Variants in LRMDA observed in about 807,000 individuals in gnomAD.
The protein encoded by LRMDA is leucine-rich melanocyte differentiation-associated protein.
In LRMDA, 18 loss-of-function variants were observed where a neutral mutation model predicts 29.8. The observed-to-expected ratio is 0.60, with a 90% confidence interval of 0.42 to 0.90. The LOEUF (loss-of-function observed/expected upper bound fraction) is 0.90, where lower values mean the gene tolerates loss of function less well. Ranked by LOEUF, LRMDA falls within the 40% of genes least tolerant of loss-of-function variation. LRMDA has a pLI of 0.00. For missense variants in LRMDA, 273 were observed against 273.9 expected, an observed-to-expected ratio of 1.00 and a Z score of 0.02; for synonymous variants, 125 against 109.4, an observed-to-expected ratio of 1.14 and a Z score of -0.89.
chr10:75,920,796 T>C (rs946685650), intron 2 of LRMDA, among the ~76,000 whole-genome samples: 4 of 152,192 alleles, frequency 2.6e-5, no homozygotes, highest in Admixed American at 6.5e-5. Context: ...CAATAAATGC[T>C]TATGACTTGC....
At chr10:75,840,254 T>C (rs935980057) in intron 2 of LRMDA, among the ~76,000 whole-genome samples, 3 of 109,440 alleles carry the variant, frequency 2.7e-5, no homozygotes, top group African/African-American at 7.5e-5. Flanking sequence ...CCTTGGACCC[T>C]TGACTACCAC....
At chr10:75,879,702 G>T (rs938986421) in intron 2 of LRMDA, among the ~76,000 whole-genome samples, 6 of 152,188 alleles carry the variant, frequency 3.9e-5, no homozygotes, top group African/African-American at 1.4e-4. Flanking sequence ...AGCCATTGAG[G>T]TTGGGAATTT....
chr10:75,655,734 C>T (rs999043323), intron 2 of LRMDA, among the ~76,000 whole-genome samples: 1 of 152,182 alleles, frequency 6.6e-6, no homozygotes, highest in Non-Finnish European at 1.5e-5. Flanking sequence ...AGAGAGAAAG[C>T]CATGGTTGGT....
chr10:75,728,458 G>C (rs1433521566), intron 2 of LRMDA, among the ~76,000 whole-genome samples: 2 of 151,550 alleles, frequency 1.3e-5, no homozygotes, highest in Non-Finnish European at 2.9e-5. Context: ...GTGTGTGTGT[G>C]TGTGTGTGTG....
chr10:75,614,183 T>A (rs1841070274), intron 2 of LRMDA, among the ~76,000 whole-genome samples: 1 of 152,186 alleles, frequency 6.6e-6, no homozygotes, highest in Non-Finnish European at 1.5e-5. Context: ...TACTTTCCTC[T>A]AGCACCATCC....
intron 2 of LRMDA, among the ~76,000 whole-genome samples, chr10:75,660,134 C>A (rs1481268469): frequency 6.6e-6 from 1 of 152,090 alleles, no homozygotes; most frequent in African/African-American, 2.4e-5. Context: ...CAGGATACAC[C>A]TTTTGTGTTC....
intron 6 of LRMDA, among the ~76,000 whole-genome samples, chr10:76,514,413 A>G (rs1306820110): frequency 1.3e-5 from 2 of 152,136 alleles, no homozygotes; most frequent in East Asian, 3.9e-4. Flanking sequence ...CCCCCTCCCA[A>G]AATTGGTTCA....
At chr10:76,524,748 G>A (rs1843156978) in intron 6 of LRMDA, among the ~76,000 whole-genome samples, 1 of 152,190 alleles carries the variant, frequency 6.6e-6, no homozygotes, top group African/African-American at 2.4e-5. Flanking sequence ...GGAAGGACCA[G>A]GGTAGCTAAA....
intron 2 of LRMDA, among the ~76,000 whole-genome samples, chr10:75,655,512 A>G (rs183971462): frequency 1.3e-5 from 2 of 152,272 alleles, no homozygotes; most frequent in African/African-American, 2.4e-5. Flanking sequence ...TTGAGGCCCA[A>G]CTGATCATTT....
intron 2 of LRMDA, among the ~76,000 whole-genome samples, chr10:75,935,281 A>T (rs749797521): frequency 6.6e-6 from 1 of 152,190 alleles, no homozygotes; most frequent in Non-Finnish European, 1.5e-5. Context: ...ATTTCAGCAA[A>T]TCCCCCGGAT....
intron 2 of LRMDA, among the ~76,000 whole-genome samples, chr10:75,778,266 C>T (rs1267364017): frequency 5.3e-5 from 8 of 152,130 alleles, no homozygotes; most frequent in Middle Eastern, 6.8e-3. Context: ...TTAGTAGGGA[C>T]GGGGTTCCAC....
At chr10:76,361,879 G>A (rs1386091701) in intron 6 of LRMDA, among the ~76,000 whole-genome samples, 1 of 152,130 alleles carries the variant, frequency 6.6e-6, no homozygotes, top group African/African-American at 2.4e-5. Context: ...TGGTTCCTTG[G>A]TGTGCTCTTC....
intron 5 of LRMDA, among the ~76,000 whole-genome samples, chr10:76,290,440 A>G (rs1484691377): frequency 1.8e-5 from 2 of 113,818 alleles, no homozygotes; most frequent in Non-Finnish European, 1.7e-5. Flanking sequence ...TTTTTTTGAG[A>G]CAGAGTCTCA....
At position 76,557,257 on chromosome 10, in the gene LRMDA, G is replaced by A. The variant is rs1365946073; in HGVS notation, c.650G>A (p.Gly217Asp). 2 of 1,613,974 alleles carry A rather than the reference G, an allele frequency of 1.2e-6. No individual in the cohort carries two copies. The highest frequency in any genetic ancestry group is 1.7e-6 in the Non-Finnish European group (2 of 1,179,990). ...RYVYYGKNSE[G>D]NRFIRDDQL is the part of the protein sequence containing the mutation. The stretch of plus-strand genomic sequence containing the variant: ...GTTTACTATGGGAAAAACTCAGAGG[G>A]CAACAGGTTTATCCGAGATGACCAG... Residue 217 changes from glycine (G) to aspartate (D), a missense_variant, in exon 7 of 7, where the codon GGC (glycine) becomes GAC (aspartate). Physicochemically the swap from Gly to Asp is moderately conservative, Grantham distance 94 (BLOSUM62 -1). Coordinates refer to ENST00000611255, the MANE Select transcript of LRMDA (RefSeq NM_001305581.2).
chr10:75,741,734 G>A (rs1161301391), intron 2 of LRMDA, among the ~76,000 whole-genome samples: 1 of 152,170 alleles, frequency 6.6e-6, no homozygotes, highest in Non-Finnish European at 1.5e-5. Context: ...CCAACTCTGG[G>A]TGGGTTCCAT....
chr10:76,212,483 A>G (rs1454859161), intron 5 of LRMDA, among the ~76,000 whole-genome samples: 1 of 152,132 alleles, frequency 6.6e-6, no homozygotes, highest in Non-Finnish European at 1.5e-5. Context: ...CTGCCAAGGT[A>G]CATCTGCTGA....
chr10:75,437,779 G>A (rs546044032), intron 1 of LRMDA, among the ~76,000 whole-genome samples: 5 of 152,334 alleles, frequency 3.3e-5, no homozygotes, highest in Admixed American at 6.5e-5. Context: ...GCCTCTGGAG[G>A]AGGGACATTC....
chr10:76,122,092 G>A (rs1849799663), intron 5 of LRMDA, among the ~76,000 whole-genome samples: 2 of 152,294 alleles, frequency 1.3e-5, no homozygotes, highest in South Asian at 4.1e-4. Context: ...CAGAGAAGGT[G>A]ACATCTCATG....
chr10:76,442,455 G>A (rs928869405), intron 6 of LRMDA, among the ~76,000 whole-genome samples: 1 of 152,190 alleles, frequency 6.6e-6, no homozygotes, highest in Non-Finnish European at 1.5e-5. Flanking sequence ...GCTTTGGGAG[G>A]CTTAGGCAGA....
Sources: allele counts gnomAD v4.1 joint callset (sites outside exome capture counted in the v4.1 genomes callset), GRCh38; gene constraint gnomAD v4.1.1; transcripts MANE v1.5; gene names NCBI Gene and HGNC (gene_info 2026-07-23, HGNC 2026-07-21).